Variants in C15orf39 observed in about 807,000 individuals in gnomAD.
C15orf39 encodes the protein uncharacterized protein C15orf39.
A neutral mutation model predicts 53.9 loss-of-function variants in C15orf39; 24 were observed. The ratio of observed to expected loss-of-function variants is 0.45; its 90% CI spans 0.32 to 0.63. The LOEUF (loss-of-function observed/expected upper bound fraction) is 0.63. C15orf39 is among the 20% of genes least tolerant of loss of function. The pLI is 0.04. For missense variants in C15orf39, 1,271 were observed against 1,347.9 expected (o/e 0.94, Z 0.89); for synonymous variants, 569 against 576.5 (o/e 0.99, Z 0.19).
In C15orf39 at chr15:75,211,207, G is replaced by A; in HGVS notation, c.*91G>A. On this transcript the variant is annotated 3_prime_UTR_variant, in exon 3 of 3. Coordinates refer to ENST00000394987, the MANE Select transcript of C15orf39 (RefSeq NM_015492.5). Reference sequence around the variant, plus strand: ...CCCCGGGGCCACGAGTGGATGCTGGGGCTGTGGCTGCTCCCCTGGAGGGGT... The same window carrying A: ...CCCCGGGGCCACGAGTGGATGCTGGAGCTGTGGCTGCTCCCCTGGAGGGGT... The A allele has an allele frequency of 1.3e-6, 2 of 1,488,398 alleles. No individual in the cohort carries two copies. The highest frequency in any genetic ancestry group is 2.7e-5 in the South Asian group (2 of 74,800). 92.2% of individuals were successfully genotyped at this position (1,488,398 alleles called of 1,614,324 possible).
In C15orf39 at chr15:75,206,052, G is replaced by A. The variant is rs781585751; in HGVS notation, c.4G>A (p.Ala2Thr). Reference protein sequence around the residue: MAEKRPLRTLGP... With the variant: MTEKRPLRTLGP... Reference sequence around the variant, plus strand: ...AGGGCTCGAAGCCTTCACAGCGATGGCAGAGAAGCGACCCCTGAGAACCCT... The same window carrying A: ...AGGGCTCGAAGCCTTCACAGCGATGACAGAGAAGCGACCCCTGAGAACCCT... The change falls in exon 2 of 3, where the codon GCA becomes ACA. Residue 2 changes from alanine to threonine, a missense_variant. Physicochemically the swap from Ala to Thr is moderately conservative, Grantham distance 58. Transcript: ENST00000394987. The A allele has an allele frequency of 5.0e-6, 8 of 1,599,352 alleles. No individual in the cohort carries two copies. The highest frequency in any genetic ancestry group is 6.8e-6 in the Non-Finnish European group (8 of 1,172,590).
Position 75,207,956 on chromosome 15 carries a change from T to A in C15orf39, c.1908T>A (p.Asp636Glu). ...PGLPGVPVTT[D>E]AMPRTNFHSS... ...TGCCTGGGGTGCCAGTGACCACAGA[T>A]GCCATGCCAAGGACCAACTTCCACA... The change falls in exon 2 of 3, where the codon GAT (aspartate) becomes GAA (glutamate). Residue 636 changes from aspartate (D) to glutamate (E), a missense_variant. Physicochemically the swap from Asp to Glu is conservative, Grantham distance 45 (BLOSUM62 2). This residue lies in a region of C15orf39 where 994 missense variants were observed against 993.7 expected (regional missense o/e 1.00). Coordinates refer to ENST00000394987, the MANE Select transcript of C15orf39 (RefSeq NM_015492.5). 3 of 1,613,866 alleles carry A rather than the reference T, an allele frequency of 1.9e-6. No homozygotes were observed. Among genetic ancestry groups the A allele is most frequent in the Non-Finnish European group, 2.5e-6 (3 of 1,180,026 alleles).
chr15:75,208,507 C>T lies in C15orf39; in HGVS notation c.2459C>T (p.Ser820Phe), dbSNP rs1362456671. The change falls in exon 2 of 3, where the codon TCT becomes TTT. Residue 820 changes from serine to phenylalanine, a missense_variant. By Grantham distance (155) the Ser-to-Phe change is radical. Around this residue, in one of 2 missense-constraint regions of C15orf39, gnomAD observed 277 missense variants for 354.1 expected, o/e 0.78. Coordinates refer to ENST00000394987, the MANE Select transcript of C15orf39 (RefSeq NM_015492.5). ...CAGGGGCTGCTGGCCAAGCTGCTGT[C>T]TCAGCTGCAGCGCTTCGATCGCACC... is the stretch of plus-strand genomic sequence containing the variant. ...GVQGLLAKLL[S>F]QLQRFDRTHR... 2 of 1,590,600 alleles carry T rather than the reference C, an allele frequency of 1.3e-6. No individual in the cohort carries two copies. The highest frequency in any genetic ancestry group is 3.5e-5 in the Admixed American group (2 of 57,416).
In C15orf39 at chr15:75,211,244, C is replaced by T; in HGVS notation, c.*128C>T. On this transcript the variant is annotated 3_prime_UTR_variant, in exon 3 of 3. Transcript: ENST00000394987. Reference sequence around the variant, plus strand: ...TCCCCTGGAGGGGTTCCATCTCTGACCCTGTGGCCCATTCAGGGTGGGCTG... The same window carrying T: ...TCCCCTGGAGGGGTTCCATCTCTGATCCTGTGGCCCATTCAGGGTGGGCTG... 1.5e-6 allele frequency: 2 copies of T among 1,312,418 alleles called. No individual in the cohort carries two copies. Among genetic ancestry groups the T allele is most frequent in the Non-Finnish European group, 2.0e-6 (2 of 978,044 alleles). 81.3% of individuals were successfully genotyped at this position (1,312,418 alleles called of 1,614,324 possible). A position where few individuals can be genotyped will look rare whatever the true frequency, so the allele number is the denominator to read the frequency against.
chr15:75,205,544 G>A lies in C15orf39; in HGVS notation c.-50-455G>A, dbSNP rs78056170. ...TAAAATATACGAGTTGGGGTCAGGA[G>A]CAGTAGGTGGTTCATGCCTGTGATT... is the stretch of plus-strand genomic sequence containing the variant. On this transcript the variant is annotated intron_variant, in intron 1 of 2. Coordinates refer to ENST00000394987, the MANE Select transcript of C15orf39 (RefSeq NM_015492.5). Among the ~76,000 whole-genome samples the A allele has an allele frequency of 4.2e-4, 64 of 152,286 alleles. 1 individual carries two copies. In the East Asian group the frequency reaches 0.012, roughly 29 times the overall value.
rs370623102 is a variant in C15orf39, at chr15:75,208,470, T to G, written c.2422T>G (p.Cys808Gly). The change falls in exon 2 of 3, where the codon TGC becomes GGC. Residue 808 changes from cysteine to glycine, a missense_variant. Physicochemically the swap from Cys to Gly is radical, Grantham distance 159. This residue lies in a region of C15orf39 where 277 missense variants were observed against 354.1 expected (regional missense o/e 0.78). Coordinates refer to ENST00000394987, the MANE Select transcript of C15orf39 (RefSeq NM_015492.5). ...GPWGQAAWQD[C>G]QGVQGLLAKL... ...CTGGGGCCAGGCTGCGTGGCAGGAC[T>G]GCCAGGGTGTGCAGGGGCTGCTGGC... 11 of 1,600,238 alleles carry G rather than the reference T, an allele frequency of 6.9e-6. No homozygotes were observed. In the Admixed American group the frequency reaches 1.0e-4, roughly 15 times the overall value.
In C15orf39 at chr15:75,201,922, T is replaced by A. The variant is rs1595952988; in HGVS notation, c.-188T>A. Reference sequence around the variant, plus strand: ...GCGGCGCGAACGGCAGCTAGGAGGGTTGCTCCGGGCTTGGTGCTCACTGCG... The same window carrying A: ...GCGGCGCGAACGGCAGCTAGGAGGGATGCTCCGGGCTTGGTGCTCACTGCG... On this transcript the variant is annotated 5_prime_UTR_variant, in exon 1 of 3. It adds an upstream start codon to the 5' untranslated region. Transcript: ENST00000394987. This position sits in a 1 kb window ranked among gnomAD's most constrained non-coding sequence, Gnocchi z 4.7. The A allele has an allele frequency of 6.7e-6, 1 of 149,866 alleles. No individual in the cohort carries two copies. Among genetic ancestry groups the A allele is most frequent in the African/African-American group, 2.4e-5 (1 of 40,924 alleles). The allele number at this position is 149,866 out of a possible 1,614,324, so 9.3% of individuals were successfully genotyped here.
chr15:75,208,835 G>T lies in C15orf39; in HGVS notation c.2776+11G>T. 1 of 1,578,398 alleles carries T rather than the reference G, an allele frequency of 6.3e-7. No individual in the cohort carries two copies. ...TACGCCGCCAGCTGGGTGAGCATGG[G>T]GCAGCCCCAGTGGCCACCGGAGCTG... On this transcript the variant is annotated intron_variant, in intron 2 of 2. Coordinates refer to ENST00000394987, the MANE Select transcript of C15orf39 (RefSeq NM_015492.5).
chr15:75,201,047 C>A (rs1352750195), upstream of C15orf39, among the ~76,000 whole-genome samples: 1 of 152,130 alleles, frequency 6.6e-6, no homozygotes, highest in African/African-American at 2.4e-5. This position sits in a 1 kb window ranked among gnomAD's most constrained non-coding sequence, Gnocchi z 4.7. Context: ...CCTCCCCTTC[C>A]CCACTGCACA....
rs1184515712 is a variant in C15orf39 at position 75,207,905 on chromosome 15, A to C, written c.1857A>C (p.Lys619Asn). ...TGGTGTCAGATCTGCCAGGCCTGAA[A>C]AAGATAGACACAGAAGCACCAGGCT... Reference protein sequence around the residue: ...GNMVSDLPGLKKIDTEAPGLP... With the variant: ...GNMVSDLPGLNKIDTEAPGLP... Residue 619 changes from lysine (K) to asparagine (N), a missense_variant, in exon 2 of 3, where the codon AAA (lysine) becomes AAC (asparagine). Lys to Asn is a moderately conservative substitution (Grantham distance 94, BLOSUM62 0). Coordinates refer to ENST00000394987, the MANE Select transcript of C15orf39 (RefSeq NM_015492.5). The C allele has an allele frequency of 5.6e-6, 9 of 1,613,694 alleles. No homozygotes were observed. The highest frequency in any genetic ancestry group is 1.6e-4 in the Middle Eastern group (1 of 6,062).
chr15:75,205,998 G>C lies in C15orf39; in HGVS notation c.-50-1G>C, dbSNP rs2070434524. 2.0e-6 allele frequency: 3 copies of C among 1,482,550 alleles called. 1 individual carries two copies. The South Asian group carries it at 4.0e-5, about 20-fold the overall frequency. The allele number at this position is 1,482,550 out of a possible 1,614,324, so 91.8% of individuals were successfully genotyped here. ...CCCCTGCCTTTCTCTCTCTATCCCA[G>C]GTCAGAAGTTGAGTAGCAGGGGCCT... On this transcript the variant is annotated splice_acceptor_variant, in intron 1 of 2. Transcript: ENST00000394987. LOFTEE classifies it low-confidence loss of function (5UTR_SPLICE).
chr15:75,206,623 G>A lies in C15orf39; in HGVS notation c.575G>A (p.Arg192Gln), dbSNP rs746156594. 15 of 1,613,478 alleles carry A rather than the reference G, an allele frequency of 9.3e-6. No individual in the cohort carries two copies. The highest frequency in any genetic ancestry group is 5.3e-5 in the African/African-American group (4 of 74,892). ...KGQTLDGTFL[R>Q]GVPAEGSSKD... ...CAGACTCTGGATGGCACCTTCTTGC[G>A]GGGGGTGCCAGCTGAGGGGTCCAGT... The change falls in exon 2 of 3, where the codon CGG becomes CAG. Residue 192 changes from arginine to glutamine, a missense_variant. Arg to Gln is a conservative substitution (Grantham distance 43). Transcript: ENST00000394987.
In C15orf39 at chr15:75,208,477, G is replaced by A; in HGVS notation, c.2429G>A (p.Gly810Asp). The change falls in exon 2 of 3, where the codon GGT becomes GAT. Residue 810 changes from glycine (G) to aspartate (D), a missense_variant. Physicochemically the swap from Gly to Asp is moderately conservative, Grantham distance 94. Around this residue, in one of 2 missense-constraint regions of C15orf39, gnomAD observed 277 missense variants for 354.1 expected, o/e 0.78. Transcript: ENST00000394987. ...WGQAAWQDCQ[G>D]VQGLLAKLLS... ...CAGGCTGCGTGGCAGGACTGCCAGGGTGTGCAGGGGCTGCTGGCCAAGCTG... is the reference window on the plus strand; with the variant it reads ...CAGGCTGCGTGGCAGGACTGCCAGGATGTGCAGGGGCTGCTGGCCAAGCTG... 4.4e-6 allele frequency: 7 copies of A among 1,598,946 alleles called. No homozygotes were observed. Among genetic ancestry groups the A allele is most frequent in the Non-Finnish European group, 6.0e-6 (7 of 1,176,300 alleles).
At chr15:75,210,588 T>C (rs985425866) in intron 2 of C15orf39, among the ~76,000 whole-genome samples, 161 bp from the exon 3 acceptor site, 2 of 152,158 alleles carry the variant, frequency 1.3e-5, no homozygotes, top group African/African-American at 2.4e-5. Context: ...AAGCACATCT[T>C]TTTTGCTTGG....
At position 75,208,824 on chromosome 15, in the gene C15orf39, G is replaced by A. The variant is rs1490173542; in HGVS notation, c.2776G>A (p.Gly926Ser). 5.0e-6 allele frequency: 8 copies of A among 1,588,586 alleles called. No individual in the cohort carries two copies. Among genetic ancestry groups the A allele is most frequent in the Non-Finnish European group, 6.8e-6 (8 of 1,169,092 alleles). ...GCGCGACTGTGTACGCCGCCAGCTG[G>A]GTGAGCATGGGGCAGCCCCAGTGGC... ...QWRDCVRRQL[G>S]DFDTEAGAVS... Residue 926 changes from glycine to serine, a missense_variant and splice_region_variant, in exon 2 of 3, where the codon GGT becomes AGT. Transcript: ENST00000394987.
chr15:75,207,009 G>A lies in C15orf39; in HGVS notation c.961G>A (p.Gly321Ser). The change falls in exon 2 of 3, where the codon GGC (glycine) becomes AGC (serine). Residue 321 changes from glycine (G) to serine (S), a missense_variant. By Grantham distance (56) the Gly-to-Ser change is moderately conservative. Around this residue, in one of 2 missense-constraint regions of C15orf39, gnomAD observed 994 missense variants for 993.7 expected, o/e 1.00. Transcript: ENST00000394987. ...GACCGGGTACCAGGCTGGTGGGCTG[G>A]GCAGCCCCTACCTGAGGCAGCAGGC... Reference protein sequence around the residue: ...KGTGYQAGGLGSPYLRQQAAQ... With the variant: ...KGTGYQAGGLSSPYLRQQAAQ... 1 of 1,602,788 alleles carries A rather than the reference G, an allele frequency of 6.2e-7. No homozygotes were observed. The highest frequency in any genetic ancestry group is 8.5e-7 in the Non-Finnish European group (1 of 1,174,542).
At position 75,208,897 on chromosome 15, in the gene C15orf39, C is replaced by T. The variant is rs574227696; in HGVS notation, c.2776+73C>T. The T allele has an allele frequency of 6.6e-4, 1,004 of 1,517,604 alleles. 1 individual carries two copies. The highest frequency in any genetic ancestry group is 1.4e-3 in the Middle Eastern group (6 of 4,196). The allele number at this position is 1,517,604 out of a possible 1,614,324, so 94.0% of individuals were successfully genotyped here. A position where few individuals can be genotyped will look rare whatever the true frequency, so the allele number is the denominator to read the frequency against. On this transcript the variant is annotated intron_variant, in intron 2 of 2. Coordinates refer to ENST00000394987, the MANE Select transcript of C15orf39 (RefSeq NM_015492.5). The stretch of plus-strand genomic sequence containing the variant: ...GACAGGTGTGTGTGCTGTGTGAGTG[C>T]GTCACAGCTGGGGCTGAGTGATTCC...
At chr15:75,203,707 T>G (rs1567136761) in intron 1 of C15orf39, among the ~76,000 whole-genome samples, 2 of 151,648 alleles carry the variant, frequency 1.3e-5, no homozygotes, top group Admixed American at 6.6e-5. Context: ...ACTCCTGGGG[T>G]GGGGGTGGGG....
Position 75,211,324 on chromosome 15 carries a change from T to C in C15orf39, c.*208T>C. 1.8e-6 allele frequency: 1 copy of C among 569,944 alleles called. No homozygotes were observed. The highest frequency in any genetic ancestry group is 2.9e-6 in the Non-Finnish European group (1 of 350,366). The allele number at this position is 569,944 out of a possible 1,614,324, so 35.3% of individuals were successfully genotyped here. On this transcript the variant is annotated 3_prime_UTR_variant, in exon 3 of 3. Coordinates refer to ENST00000394987, the MANE Select transcript of C15orf39 (RefSeq NM_015492.5). The stretch of plus-strand genomic sequence containing the variant: ...CTTTATTGGATAGGACTACTCCCTA[T>C]TTCTTGCCTAGAGAACACACATGGG...
Sources: allele counts gnomAD v4.1 joint callset (sites outside exome capture counted in the v4.1 genomes callset), GRCh38; gene constraint gnomAD v4.1.1; regional missense constraint gnomAD v4.1.1; non-coding constraint Gnocchi (gnomAD v3.1); transcripts MANE v1.5; gene names NCBI Gene and HGNC (gene_info 2026-07-23, HGNC 2026-07-21).